Variants in EFCAB10 observed in about 807,000 individuals in gnomAD.
The protein encoded by EFCAB10 is EF-hand calcium binding domain 10.
In EFCAB10, 7 loss-of-function variants were observed where a neutral mutation model predicts 7.7. The observed-to-expected ratio is 0.91, with a 90% CI of 0.52 to 1.72. EFCAB10 has a LOEUF of 1.72. Ranked by LOEUF, EFCAB10 falls within the 40% of genes most tolerant of loss-of-function variation. The pLI is 0.00. For missense variants in EFCAB10, 112 were observed against 61.5 expected (o/e 1.82, Z -2.74); for synonymous variants, 52 against 21.0 (o/e 2.47, Z -4.03).
chr7:105,567,263 T>C lies in EFCAB10; in HGVS notation c.383+204A>G. On this transcript the variant is annotated intron_variant, in intron 4 of 4. Transcript: ENST00000480514. ...TTTACAAACTGGCTCAACAAGATGTTGAGATTCTACTTAATTTGAGGACAA... is the reference window on the plus strand; with the variant it reads ...TTTACAAACTGGCTCAACAAGATGTCGAGATTCTACTTAATTTGAGGACAA... 2 of 1,610,362 alleles carry C rather than the reference T, an allele frequency of 1.2e-6. No individual in the cohort carries two copies. The highest frequency in any genetic ancestry group is 1.7e-6 in the Non-Finnish European group (2 of 1,178,234).
At position 105,565,598 on chromosome 7, in the gene EFCAB10, T is replaced by C. The variant is rs765770922; in HGVS notation, c.*-151A>G. The C allele has an allele frequency of 2.2e-5, 36 of 1,613,826 alleles. No individual in the cohort carries two copies. Among genetic ancestry groups the C allele is most frequent in the Non-Finnish European group, 2.8e-5 (33 of 1,179,914 alleles). ...TGCAGTTTGATATGACTCGGAATCT[T>C]TTCCCTTTGTTTTCTCACTATTGCA... On this transcript the variant is annotated intron_variant, in intron 4 of 4. Transcript: ENST00000480514.
chr7:105,566,841 T>C (rs1466501518), intron 4 of EFCAB10: 1 of 204,506 alleles, frequency 4.9e-6, no homozygotes, highest in African/African-American at 2.3e-5. Context: ...GTTATAGCTA[T>C]ATTTAATATA....
At chr7:105,571,368 G>T (rs1302831901) in intron 1 of EFCAB10, 2 of 152,154 alleles carry the variant, frequency 1.3e-5, no homozygotes, top group Admixed American at 6.6e-5. Flanking sequence ...GCTTTCAATG[G>T]AAAATTTTAA....
chr7:105,574,104 TAC>T (rs201813322), intron 1 of EFCAB10, among the ~76,000 whole-genome samples: 305 of 139,898 alleles, frequency 2.2e-3, no homozygotes, highest in African/African-American at 7.6e-3. Flanking sequence ...TATACACACA[TAC>T]ACACACACAA....
rs904888408 is a variant in EFCAB10 at position 105,565,214 on chromosome 7, G to C, written c.*233C>G. ...CAGAACACTTCCTCAAATTTAAAAT[G>C]ATTTAAAAACTTGAAAAATAGAAAC... On this transcript the variant is annotated 3_prime_UTR_variant, in exon 5 of 5. Coordinates refer to ENST00000480514, the MANE Select transcript of EFCAB10 (RefSeq NM_001355526.2). 1 of 1,460,448 alleles carries C rather than the reference G, an allele frequency of 6.8e-7. No homozygotes were observed. The highest frequency in any genetic ancestry group is 1.4e-5 in the African/African-American group (1 of 70,760). 90.5% of individuals were successfully genotyped at this position (1,460,448 alleles called of 1,614,324 possible).
At chr7:105,575,765 C>T (rs531925387) in intron 1 of EFCAB10, among the ~76,000 whole-genome samples, 19 of 152,186 alleles carry the variant, frequency 1.2e-4, no homozygotes, top group East Asian at 9.6e-4. Context: ...CAGCTGGGTG[C>T]GGTGGCTCAT....
At chr7:105,581,259 C>G (rs1467745396) in intron 1 of EFCAB10, 99 bp downstream of exon 1, 5 of 656,566 alleles carry the variant, frequency 7.6e-6, no homozygotes, top group Non-Finnish European at 1.4e-5. Flanking sequence ...GCTCACGTGG[C>G]TGGGAGGCAG....
chr7:105,569,939 T>G (rs73406955), intron 1 of EFCAB10, among the ~76,000 whole-genome samples: 4,889 of 151,626 alleles, frequency 0.032, 262 homozygotes, highest in African/African-American at 0.11. Context: ...ATATAAATAA[T>G]AGGCTGGGCA....
chr7:105,569,359 CTG>C (rs1396247529), intron 2 of EFCAB10, 46 bp downstream of exon 2: 4 of 694,956 alleles, frequency 5.8e-6, no homozygotes, highest in South Asian at 3.1e-5. Context: ...CTAGAAAAAA[CTG>C]TGGAATGACC....
chr7:105,580,360 C>A (rs554430060), intron 1 of EFCAB10, among the ~76,000 whole-genome samples: 1 of 152,002 alleles, frequency 6.6e-6, no homozygotes, highest in African/African-American at 2.4e-5. Flanking sequence ...GTAGCAGACA[C>A]GAGGTTTCAC....
intron 1 of EFCAB10, among the ~76,000 whole-genome samples, chr7:105,579,653 T>A (rs948907054): frequency 6.6e-6 from 1 of 152,174 alleles, no homozygotes. Flanking sequence ...GTATGAGGTG[T>A]GTGTTTAAGA....
rs148016283 is a variant in EFCAB10 at position 105,568,395 on chromosome 7, T to G, written c.359+808A>C. 3.2e-3 allele frequency among the ~76,000 whole-genome samples: 495 copies of G among 152,348 alleles called. 3 individuals carry two copies. The highest frequency in any genetic ancestry group is 0.011 in the African/African-American group (466 of 41,582). On this transcript the variant is annotated intron_variant, in intron 3 of 4. Transcript: ENST00000480514. ...TTATTCCAATGGTTTTTCTCTGACT[T>G]AGCAGTGGGTTAGTACTTTTAATCC...
At chr7:105,578,776 CTTATT>C (rs749001397) in intron 1 of EFCAB10, among the ~76,000 whole-genome samples, 9 of 152,214 alleles carry the variant, frequency 5.9e-5, no homozygotes, top group South Asian at 2.1e-4. Flanking sequence ...TGTGTCCACT[CTTATT>C]TTATTTTATG....
chr7:105,576,896 A>G (rs1470678698), intron 1 of EFCAB10, among the ~76,000 whole-genome samples: 1 of 152,158 alleles, frequency 6.6e-6, no homozygotes. Context: ...TCTACTAAAA[A>G]TACAAAAATT....
chr7:105,572,515 A>C (rs563538565), intron 1 of EFCAB10: 15 of 152,330 alleles, frequency 9.8e-5, no homozygotes, highest in African/African-American at 3.6e-4. Flanking sequence ...TCTTCAACAT[A>C]CTGATTTCAT....
rs1791910229 is a variant in EFCAB10 at position 105,570,247 on chromosome 7, A to T, written c.107-676T>A. 2.7e-4 allele frequency among the ~76,000 whole-genome samples: 20 copies of T among 72,896 alleles called. 1 individual carries two copies. Among genetic ancestry groups the T allele is most frequent in the Non-Finnish European group, 4.4e-4 (17 of 38,806 alleles). The allele number at this position is 72,896 out of a possible 152,430, so 47.8% of individuals were successfully genotyped here. On this transcript the variant is annotated intron_variant, in intron 1 of 4. Coordinates refer to ENST00000480514, the MANE Select transcript of EFCAB10 (RefSeq NM_001355526.2). The stretch of plus-strand genomic sequence containing the variant: ...AAAAAAAAAAAAAAAAAAAATATAT[A>T]TATATATATATATATATATATACAC...
intron 4 of EFCAB10, chr7:105,566,262 T>C (rs993461679): frequency 6.6e-6 from 1 of 151,876 alleles, no homozygotes; most frequent in Non-Finnish European, 1.5e-5. Context: ...ATTACAAATA[T>C]GTTTAATACC....
intron 4 of EFCAB10, 193 bp downstream of exon 4, chr7:105,567,274 T>A: frequency 6.2e-7 from 1 of 1,609,044 alleles, no homozygotes; most frequent in Non-Finnish European, 8.5e-7. Context: ...GAGATTCTAC[T>A]TAATTTGAGG....
rs1444333429 is a variant in EFCAB10, at chr7:105,581,410, C to T, written c.54G>A (p.Gln18=). ...TGAGGTAGCTAACCACCTCCTTGAT[C>T]TGATGCTTTTCCAAATACTCCGCGG... ...LQAAEYLEKH[Q]IKEVVSYLTS... The change falls in exon 1 of 5, where the codon CAG becomes CAA. Residue 18 remains glutamine (Q), a synonymous_variant. Transcript: ENST00000480514. The T allele has an allele frequency of 1.4e-6, 1 of 702,952 alleles. No homozygotes were observed. Among genetic ancestry groups the T allele is most frequent in the East Asian group, 2.7e-5 (1 of 37,294 alleles). 43.5% of individuals were successfully genotyped at this position (702,952 alleles called of 1,614,324 possible). A position where few individuals can be genotyped will look rare whatever the true frequency, so the allele number is the denominator to read the frequency against.
Sources: allele counts gnomAD v4.1 joint callset (sites outside exome capture counted in the v4.1 genomes callset), GRCh38; gene constraint gnomAD v4.1.1; transcripts MANE v1.5; gene names NCBI Gene and HGNC (gene_info 2026-07-23, HGNC 2026-07-21).